The following ZNF267 variants were observed in gnomAD, a reference collection of about 807,000 sequenced individuals.
ZNF267 encodes the protein zinc finger protein 267, also known as zinc finger (C2H2).
ZNF267 carries 61 observed loss-of-function variants against 71.6 expected under a neutral mutation model. That is an observed-to-expected ratio of 0.85 (90% CI 0.69 to 1.05). The LOEUF is 1.05. Ranked by LOEUF, ZNF267 falls within the 50% of genes least tolerant of loss-of-function variation. The pLI, the probability that ZNF267 is intolerant of heterozygous loss-of-function variation, is 0.00. For missense variants in ZNF267, 852 were observed against 870.0 expected, an observed-to-expected ratio of 0.98 and a Z score of 0.26; for synonymous variants, 288 against 293.2, an observed-to-expected ratio of 0.98 and a Z score of 0.18.
rs146914846 is a variant in ZNF267, at chr16:31,916,369, G to A, written c.2120G>A (p.Arg707Gln). The part of the protein sequence containing the change: ...FSYRSYLTTH[R>Q]RSHSGERPYK... ...TATAGGTCATACCTCACTACACATC[G>A]GAGAAGTCATAGTGGAGAGAGACCC... The change falls in exon 4 of 4, where the codon CGG becomes CAG. Residue 707 changes from arginine to glutamine, a missense_variant. By Grantham distance (43) the Arg-to-Gln change is conservative (BLOSUM62 1). Transcript: ENST00000300870. 1,936 of 1,611,472 alleles carry A rather than the reference G, an allele frequency of 1.2e-3. 7 individuals are homozygous for A. Among genetic ancestry groups the A allele is most frequent in the Middle Eastern group, 5.1e-3 (31 of 6,054 alleles).
intron 1 of ZNF267, among the ~76,000 whole-genome samples, chr16:31,882,916 A>C (rs1368353764): frequency 6.6e-6 from 1 of 152,144 alleles, no homozygotes; most frequent in Non-Finnish European, 1.5e-5. Flanking sequence ...GATGTCTATA[A>C]ACCATCACAT....
intron 3 of ZNF267, among the ~76,000 whole-genome samples, chr16:31,896,270 C>T (rs1400449113): frequency 6.6e-6 from 1 of 152,128 alleles, no homozygotes; most frequent in Non-Finnish European, 1.5e-5. Context: ...CCTTGGCGTC[C>T]CAAAGCATTG....
At position 31,898,177 on chromosome 16, in the gene ZNF267, G is replaced by C. The variant is rs150947735; in HGVS notation, c.226+12921G>C. 4.7e-4 allele frequency among the ~76,000 whole-genome samples: 72 copies of C among 152,208 alleles called. 1 individual carries two copies. In the East Asian group the frequency reaches 0.013, roughly 27 times the overall value. ...ATTAGGTGCATATATGCTAATGCTT[G>C]TTATAGCTTTCTGGTCAGTGGACAC... On this transcript the variant is annotated intron_variant, in intron 3 of 3. Transcript: ENST00000300870.
At chr16:31,902,661 G>T (rs1202196233) in intron 3 of ZNF267, among the ~76,000 whole-genome samples, 2 of 152,338 alleles carry the variant, frequency 1.3e-5, no homozygotes, top group East Asian at 1.9e-4. Flanking sequence ...AGACTTTGCT[G>T]AAGTTGCTTA....
chr16:31,879,801 A>G (rs532778702), intron 1 of ZNF267, among the ~76,000 whole-genome samples: 19 of 152,216 alleles, frequency 1.2e-4, no homozygotes, highest in South Asian at 4.1e-4. Context: ...TTCAGAGACC[A>G]TGGGGGCTGG....
rs543901150 is a variant in ZNF267 at position 31,873,837 on chromosome 16, C to T, written c.-130C>T. 232 of 1,322,172 alleles carry T rather than the reference C, an allele frequency of 1.8e-4. No individual in the cohort carries two copies. The highest frequency in any genetic ancestry group is 2.4e-4 in the Non-Finnish European group (226 of 924,098). The allele number at this position is 1,322,172 out of a possible 1,614,324, so 81.9% of individuals were successfully genotyped here. A position where few individuals can be genotyped will look rare whatever the true frequency, so the allele number is the denominator to read the frequency against. The stretch of plus-strand genomic sequence containing the variant: ...GAGCTCGGGTCTCCTCGCCACAGCT[C>T]CGAGTCTTTCGTTCTGGGAGGCCCA... On this transcript the variant is annotated 5_prime_UTR_variant, in exon 1 of 4. Coordinates refer to ENST00000300870, the MANE Select transcript of ZNF267 (RefSeq NM_003414.6).
intron 3 of ZNF267, among the ~76,000 whole-genome samples, chr16:31,909,064 C>CGTGT (rs58278411): frequency 0.013 from 1,778 of 138,430 alleles, 42 homozygotes; most frequent in African/African-American, 0.046. Flanking sequence ...GGATATTTTT[C>CGTGT]GTGTGTGTGT....
chr16:31,916,769 T>C lies in ZNF267; in HGVS notation c.*288T>C, dbSNP rs181982743. ...AGTTTTATTCAAAATATCAAACTTA[T>C]GAGTCACCTAGGGGTTCATAGAAAA... On this transcript the variant is annotated 3_prime_UTR_variant, in exon 4 of 4. Transcript: ENST00000300870. 6.4e-3 allele frequency: 1,998 copies of C among 310,724 alleles called. 17 individuals carry two copies. The highest frequency in any genetic ancestry group is 8.2e-3 in the Non-Finnish European group (1,390 of 168,486). The allele number at this position is 310,724 out of a possible 1,614,324, so 19.2% of individuals were successfully genotyped here. A position where few individuals can be genotyped will look rare whatever the true frequency, so the allele number is the denominator to read the frequency against.
intron 1 of ZNF267, among the ~76,000 whole-genome samples, chr16:31,880,288 C>T (rs1199410781): frequency 6.6e-6 from 1 of 152,140 alleles, no homozygotes; most frequent in Non-Finnish European, 1.5e-5. Context: ...TTTTTATAAA[C>T]AGAATCTCGT....
rs963692540 is a variant in ZNF267 at position 31,880,171 on chromosome 16, A to G, written c.4-4327A>G. 2.6e-5 allele frequency among the ~76,000 whole-genome samples: 4 copies of G among 152,332 alleles called. No homozygotes were observed. In the South Asian group the frequency reaches 8.3e-4, roughly 32 times the overall value. On this transcript the variant is annotated intron_variant, in intron 1 of 3. Coordinates refer to ENST00000300870, the MANE Select transcript of ZNF267 (RefSeq NM_003414.6). ...AGAAAATCCAGGGGACATTTTCTGC[A>G]TTGTGAGAGATCAACATGGACTTTG...
chr16:31,880,555 A>G (rs1291820765), intron 1 of ZNF267, among the ~76,000 whole-genome samples: 1 of 152,150 alleles, frequency 6.6e-6, no homozygotes, highest in Non-Finnish European at 1.5e-5. Context: ...TCCTGCCTGA[A>G]TCACTATTGG....
Position 31,914,861 on chromosome 16 carries a change from T to TAG in ZNF267, c.613_614dup (p.Ser205ArgfsTer22). The TAG allele has an allele frequency of 6.2e-7, 1 of 1,611,476 alleles. No homozygotes were observed. The highest frequency in any genetic ancestry group is 2.2e-5 in the East Asian group (1 of 44,826). ...TATTTAGGCAGGTCTCTACTCTAAA[T>TAG]AGTTACCGAAATGTTTTTATTGGAG... is the stretch of plus-strand genomic sequence containing the variant. On this transcript the variant is annotated frameshift_variant, in exon 4 of 4. Transcript: ENST00000300870. LOFTEE classifies it high-confidence loss of function.
Position 31,910,269 on chromosome 16 carries a change from G to T in ZNF267, c.227-4207G>T, listed in dbSNP as rs1277494701. Among the ~76,000 whole-genome samples, 6 of 151,764 alleles carry T rather than the reference G, an allele frequency of 4.0e-5. 1 individual carries two copies. The highest frequency in any genetic ancestry group is 2.9e-5 in the Non-Finnish European group (2 of 68,004). Reference sequence around the variant, plus strand: ...GTATTATGGTAATACTGGCCTCAAAGAATGAGTTGGGAAGTATTCCTTCCT... The same window carrying T: ...GTATTATGGTAATACTGGCCTCAAATAATGAGTTGGGAAGTATTCCTTCCT... On this transcript the variant is annotated intron_variant, in intron 3 of 3. Transcript: ENST00000300870.
rs1379095862 is a variant in ZNF267 at position 31,914,465 on chromosome 16, A to G, written c.227-11A>G. On this transcript the variant is annotated splice_polypyrimidine_tract_variant and intron_variant, in intron 3 of 3. Transcript: ENST00000300870. ...AGTAATTGGAATTCTTAAAATTTTT[A>G]TATCTTTCAGATGTGTTTTCGCATT... 5.2e-6 allele frequency: 8 copies of G among 1,545,438 alleles called. No individual in the cohort carries two copies. Among genetic ancestry groups the G allele is most frequent in the Admixed American group, 2.2e-5 (1 of 45,602 alleles).
Position 31,914,823 on chromosome 16 carries a change from A to C in ZNF267, c.574A>C (p.Lys192Gln). Residue 192 changes from lysine to glutamine, a missense_variant, in exon 4 of 4, where the codon AAA (lysine) becomes CAA (glutamine). Lys to Gln is a moderately conservative substitution (Grantham distance 53, BLOSUM62 1). Transcript: ENST00000300870. ...TTGGGGAAAACATCACATATATGAT[A>C]AAACTTCAGTGTTATTTAGGCAGGT... ...DIWGKHHIYD[K>Q]TSVLFRQVST... 1 of 1,611,334 alleles carries C rather than the reference A, an allele frequency of 6.2e-7. No individual in the cohort carries two copies. The highest frequency in any genetic ancestry group is 2.2e-5 in the East Asian group (1 of 44,838).
chr16:31,916,615 A>G lies in ZNF267; in HGVS notation c.*134A>G, dbSNP rs1385008548. ...TTTAACTATTTTCAAGCCTTACACAATAGCAGAGAATATAAACTGAAAAAA... is the reference window on the plus strand; with the variant it reads ...TTTAACTATTTTCAAGCCTTACACAGTAGCAGAGAATATAAACTGAAAAAA... On this transcript the variant is annotated 3_prime_UTR_variant, in exon 4 of 4. Transcript: ENST00000300870. 4 of 875,274 alleles carry G rather than the reference A, an allele frequency of 4.6e-6. No individual in the cohort carries two copies. Among genetic ancestry groups the G allele is most frequent in the South Asian group, 1.9e-5 (1 of 53,600 alleles). The allele number at this position is 875,274 out of a possible 1,614,324, so 54.2% of individuals were successfully genotyped here. A position where few individuals can be genotyped will look rare whatever the true frequency, so the allele number is the denominator to read the frequency against.
chr16:31,894,789 A>G (rs2083985547), intron 3 of ZNF267: 1 of 502,432 alleles, frequency 2.0e-6, no homozygotes, highest in Non-Finnish European at 4.0e-6. Context: ...TTTCCTTTCA[A>G]GGAGCTGTTC....
At chr16:31,894,075 C>A (rs1025884561) in intron 3 of ZNF267, among the ~76,000 whole-genome samples, 1 of 152,192 alleles carries the variant, frequency 6.6e-6, no homozygotes, top group Non-Finnish European at 1.5e-5. Flanking sequence ...TGCCACTTGG[C>A]CAAGGGCAAT....
chr16:31,907,904 G>A (rs1422904573), intron 3 of ZNF267, among the ~76,000 whole-genome samples: 2 of 151,888 alleles, frequency 1.3e-5, no homozygotes, highest in Non-Finnish European at 2.9e-5. Context: ...TTAGCCGGGT[G>A]TGGTGATGGG....
Sources: gnomAD v4.1 joint callset for allele counts (sites outside exome capture counted in the v4.1 genomes callset) on GRCh38, gnomAD v4.1.1 for gene constraint, MANE v1.5 for transcripts, NCBI Gene and HGNC (gene_info 2026-07-23, HGNC 2026-07-21) for gene names.